CLGN: variants seen among roughly 807,000 people sequenced by gnomAD.
CLGN encodes testis tissue sperm-binding protein Li 79P.
Under a neutral mutation model 79.1 loss-of-function variants are expected in CLGN, and 62 were observed. That is an observed-to-expected ratio of 0.78 (90% confidence interval 0.64 to 0.97). The LOEUF (loss-of-function observed/expected upper bound fraction) is 0.97, where lower values mean the gene tolerates loss of function less well. Among genes scored for constraint, CLGN ranks in the 50% least tolerant of loss-of-function variants. CLGN has a pLI of 0.00. For missense variants in CLGN, 647 were observed against 715.5 expected, an observed-to-expected ratio of 0.90 and a Z score of 1.09; for synonymous variants, 225 against 224.7, an observed-to-expected ratio of 1.00 and a Z score of -0.01.
At chr4:140,398,228 A>T (rs868215245) in intron 8 of CLGN, among the ~76,000 whole-genome samples, 20 of 145,584 alleles carry the variant, frequency 1.4e-4, no homozygotes, top group African/African-American at 4.8e-4. Context: ...TGAAGCAGTT[A>T]TATGTGGTTT....
At chr4:140,404,451 T>C (rs1729059017) in intron 5 of CLGN, among the ~76,000 whole-genome samples, 1 of 152,172 alleles carries the variant, frequency 6.6e-6, no homozygotes, top group Non-Finnish European at 1.5e-5. Context: ...TCATATATAT[T>C]AACATGTATA....
intron 13 of CLGN, among the ~76,000 whole-genome samples, chr4:140,392,001 C>G (rs1246216665): frequency 6.6e-6 from 1 of 151,910 alleles, no homozygotes; most frequent in African/African-American, 2.4e-5. Flanking sequence ...AGCAACTGAA[C>G]ACTATTTAAA....
intron 11 of CLGN, among the ~76,000 whole-genome samples, 160 bp downstream of exon 11, chr4:140,393,666 A>C (rs540715293): frequency 6.6e-6 from 1 of 152,264 alleles, no homozygotes; most frequent in African/African-American, 2.4e-5. Context: ...TAAAAAGCAA[A>C]ATATTCTGTC....
chr4:140,412,558 A>G (rs1400151216), intron 2 of CLGN, among the ~76,000 whole-genome samples: 1 of 152,182 alleles, frequency 6.6e-6, no homozygotes, highest in African/African-American at 2.4e-5. Context: ...AGAGAAATAA[A>G]GACAAATACT....
intron 8 of CLGN, among the ~76,000 whole-genome samples, chr4:140,396,543 C>T (rs775118576): frequency 9.2e-5 from 14 of 151,660 alleles, no homozygotes; most frequent in Non-Finnish European, 1.9e-4. Context: ...CAAGACTGTT[C>T]GAGGAGCTCC....
chr4:140,426,261 A>G (rs1419994908), intron 1 of CLGN, among the ~76,000 whole-genome samples: 1 of 152,224 alleles, frequency 6.6e-6, no homozygotes, highest in Non-Finnish European at 1.5e-5. Flanking sequence ...CAATCCAAAG[A>G]TTCTTTAAAG....
At chr4:140,395,616 T>G (rs1728858012) in intron 10 of CLGN, among the ~76,000 whole-genome samples, 1 of 152,214 alleles carries the variant, frequency 6.6e-6, no homozygotes, top group South Asian at 2.1e-4. Context: ...GGGAAGAATA[T>G]AGTATGAAGT....
Position 140,412,997 on chromosome 4 carries a change from T to C in CLGN, c.82A>G (p.Thr28Ala), listed in dbSNP as rs376440100. Residue 28 changes from threonine to alanine, a missense_variant, in exon 2 of 15, where the codon ACG becomes GCG. Thr to Ala is a moderately conservative substitution (Grantham distance 58). Coordinates refer to ENST00000325617, the MANE Select transcript of CLGN (RefSeq NM_004362.3). ...TCTGAATTTTCTTCAAAGTCTTCCG[T>C]CTCAACATCATCATCCATAAATTCT... ...NAEFMDDDVETEDFEENSEEI... is the reference protein window; with the variant it reads ...NAEFMDDDVEAEDFEENSEEI... 6 of 1,613,376 alleles carry C rather than the reference T, an allele frequency of 3.7e-6. No individual in the cohort carries two copies. The African/African-American group carries it at 5.3e-5, about 14-fold the overall frequency.
intron 2 of CLGN, among the ~76,000 whole-genome samples, chr4:140,411,212 C>G (rs1578603304): frequency 1.3e-5 from 2 of 151,862 alleles, no homozygotes; most frequent in Admixed American, 1.3e-4. Flanking sequence ...TCCTTTAATT[C>G]TTATAATATT....
chr4:140,401,926 G>T, intron 6 of CLGN, 59 bp downstream of exon 6: 2 of 902,334 alleles, frequency 2.2e-6, no homozygotes, highest in Non-Finnish European at 3.4e-6. Flanking sequence ...TTTATCATTT[G>T]TTCCTTAAAA....
chr4:140,397,387 C>G (rs1281020012), intron 8 of CLGN, among the ~76,000 whole-genome samples: 1 of 151,624 alleles, frequency 6.6e-6, no homozygotes, highest in Non-Finnish European at 1.5e-5. Context: ...AAGAAATTAG[C>G]TCTCTGTCAG....
chr4:140,408,101 G>A lies in CLGN; in HGVS notation c.277+1736C>T, dbSNP rs1195116002. 2.0e-5 allele frequency among the ~76,000 whole-genome samples: 3 copies of A among 152,000 alleles called. No homozygotes were observed. In the East Asian group the frequency reaches 5.8e-4, roughly 29 times the overall value. The stretch of plus-strand genomic sequence containing the variant: ...GGAAAGGACACCCTATTTAATAAAT[G>A]GTACTGAGAAAACTGGCAAGCCACA... On this transcript the variant is annotated intron_variant, in intron 4 of 14. Transcript: ENST00000325617.
chr4:140,411,258 T>A (rs977228308), intron 2 of CLGN, among the ~76,000 whole-genome samples: 5 of 152,044 alleles, frequency 3.3e-5, no homozygotes, highest in Non-Finnish European at 5.9e-5. Context: ...CCACTTTATA[T>A]ATGATGAAAC....
chr4:140,421,984 C>T (rs1297360893), intron 1 of CLGN, among the ~76,000 whole-genome samples: 1 of 152,106 alleles, frequency 6.6e-6, no homozygotes, highest in African/African-American at 2.4e-5. Flanking sequence ...GTTACAACCT[C>T]ATTCTTTTGC....
At chr4:140,390,093 A>G (rs753091104) in intron 14 of CLGN, among the ~76,000 whole-genome samples, 2 of 151,716 alleles carry the variant, frequency 1.3e-5, no homozygotes, top group African/African-American at 2.4e-5. Context: ...AAAAAAAAGC[A>G]TTGTGCAAAG....
At chr4:140,412,151 G>A (rs1729226104) in intron 2 of CLGN, among the ~76,000 whole-genome samples, 1 of 151,988 alleles carries the variant, frequency 6.6e-6, no homozygotes, top group Non-Finnish European at 1.5e-5. Context: ...AATTTAACAG[G>A]GGAAACATAC....
At chr4:140,402,145 T>C (rs1212199768) in intron 5 of CLGN, 79 bp from the exon 6 acceptor site, 45 of 709,522 alleles carry the variant, frequency 6.3e-5, no homozygotes, top group Non-Finnish European at 1.0e-4. Context: ...CTTATTATTC[T>C]CAATTCATGT....
At chr4:140,402,402 A>G (rs994484221) in intron 5 of CLGN, among the ~76,000 whole-genome samples, 1 of 152,060 alleles carries the variant, frequency 6.6e-6, no homozygotes, top group Non-Finnish European at 1.5e-5. Flanking sequence ...AATTCTGATA[A>G]GGTAAGCACT....
intron 6 of CLGN, among the ~76,000 whole-genome samples, chr4:140,401,666 C>T (rs1729001012): frequency 2.0e-5 from 3 of 152,084 alleles, no homozygotes; most frequent in Non-Finnish European, 2.9e-5. Context: ...TCTAAACAAA[C>T]TTAAGAGTCT....
Sources: allele counts gnomAD v4.1 joint callset (sites outside exome capture counted in the v4.1 genomes callset), GRCh38; gene constraint gnomAD v4.1.1; transcripts MANE v1.5; gene names NCBI Gene and HGNC (gene_info 2026-07-23, HGNC 2026-07-21).